The following OASL variants were observed in gnomAD, a reference collection of about 807,000 sequenced individuals.
OASL encodes 2'-5'-oligoadenylate synthase-like protein.
OASL carries 28 observed loss-of-function variants against 35.3 expected under a neutral mutation model. The observed-to-expected ratio is 0.79, with a 90% CI of 0.59 to 1.09. The LOEUF (loss-of-function observed/expected upper bound fraction) is 1.09, where lower values mean the gene tolerates loss of function less well. Among genes scored for constraint, OASL ranks in the 50% least tolerant of loss-of-function variants. The pLI is 0.00. For synonymous variants in OASL, 252 were observed against 254.6 expected (o/e 0.99, Z 0.10); for missense variants, 620 against 635.2 (o/e 0.98, Z 0.26).
At position 121,024,137 on chromosome 12, in the gene OASL, C is replaced by T. The variant is rs776855533; in HGVS notation, c.900G>A (p.Arg300=). The T allele has an allele frequency of 3.9e-5, 63 of 1,613,342 alleles. No individual in the cohort carries two copies. Among genetic ancestry groups the T allele is most frequent in the South Asian group, 1.3e-4 (12 of 91,054 alleles). The change falls in exon 5 of 6, where the codon AGG becomes AGA. Residue 300 remains arginine, a splice_region_variant and synonymous_variant. Coordinates refer to ENST00000257570, the Ensembl canonical transcript of OASL. ...GGTCGGCCGGATCCAGGATGATGGG[C>T]CTGTAACACAGGAAAAGGGTGCCCA...
intron 3 of OASL, among the ~76,000 whole-genome samples, chr12:121,030,747 C>G (rs1869692416): frequency 6.6e-6 from 1 of 152,100 alleles, no homozygotes; most frequent in South Asian, 2.1e-4. Flanking sequence ...TTAAAGAAAT[C>G]CTTCCCCTTG....
exon 3 of OASL, chr12:121,031,516 G>T (rs760219244): frequency 5.0e-6 from 8 of 1,613,948 alleles, no homozygotes; most frequent in East Asian, 4.5e-5. Context: ...AAATTTCTCT[G>T]CAGCTCGCTG....
At chr12:121,024,054 T>C in exon 5 of OASL, 1 of 1,614,162 alleles carries the variant, frequency 6.2e-7, no homozygotes, top group Non-Finnish European at 8.5e-7. Context: ...TTTCAGGCAC[T>C]GGGAGGCCCT....
intron 3 of OASL, among the ~76,000 whole-genome samples, chr12:121,028,632 C>T (rs1045625261): frequency 5.0e-5 from 7 of 140,388 alleles, no homozygotes; most frequent in East Asian, 2.5e-4. Flanking sequence ...CCCCGCCCGC[C>T]CCCCCTACTG....
At chr12:121,027,733 T>G in exon 4 of OASL, 2 of 1,614,158 alleles carry the variant, frequency 1.2e-6, no homozygotes, top group Non-Finnish European at 1.7e-6. Context: ...TCTTCTTCAG[T>G]ACCCATTTCC....
At chr12:121,018,087 T>C (rs1297940045), downstream of OASL, among the ~76,000 whole-genome samples, 1 of 152,194 alleles carries the variant, frequency 6.6e-6, no homozygotes, top group Non-Finnish European at 1.5e-5. Context: ...TTGATACTGA[T>C]AATTTCCAAA....
exon 6 of OASL, chr12:121,020,996 C>G: frequency 6.2e-7 from 1 of 1,613,292 alleles, no homozygotes. Flanking sequence ...CATAAGGGTT[C>G]ACGATGAGGT....
At chr12:121,035,523 T>TAAACAAAACAAAACA (rs59297547) in intron 1 of OASL, among the ~76,000 whole-genome samples, 5 of 127,300 alleles carry the variant, frequency 3.9e-5, no homozygotes, top group Non-Finnish European at 5.2e-5. Flanking sequence ...AGACTCCATC[T>TAAACAAAACAAAACA]AAACAAAACA....
intron 1 of OASL, among the ~76,000 whole-genome samples, chr12:121,035,952 G>A (rs909387178): frequency 3.9e-5 from 6 of 152,248 alleles, no homozygotes; most frequent in African/African-American, 1.4e-4. Flanking sequence ...CGACCTCCTG[G>A]GCTTAAGCAA....
chr12:121,029,436 C>T (rs1229156086), intron 3 of OASL, among the ~76,000 whole-genome samples: 2 of 152,148 alleles, frequency 1.3e-5, no homozygotes, highest in Non-Finnish European at 2.9e-5. Flanking sequence ...CGCCTGTAAT[C>T]CCAGCACTTT....
chr12:121,025,260 G>A (rs1215189282), intron 4 of OASL, among the ~76,000 whole-genome samples: 1 of 152,026 alleles, frequency 6.6e-6, no homozygotes, highest in Non-Finnish European at 1.5e-5. Context: ...ACAGGCATGA[G>A]CCACCGGTGC....
At chr12:121,020,324 G>T in exon 6 of OASL, 1 of 421,766 alleles carries the variant, frequency 2.4e-6, no homozygotes, top group Non-Finnish European at 4.3e-6. Flanking sequence ...TTGTAGAGAC[G>T]GGGTCTCCCT....
At chr12:121,032,793 G>T (rs1179406917) in intron 2 of OASL, among the ~76,000 whole-genome samples, 1 of 152,082 alleles carries the variant, frequency 6.6e-6, no homozygotes, top group African/African-American at 2.4e-5. Flanking sequence ...CCCTCACTGG[G>T]TGTCAGAGCC....
intron 4 of OASL, among the ~76,000 whole-genome samples, chr12:121,024,971 CTTTTTTTTTTTTTT>C (rs751576824): frequency 3.1e-5 from 2 of 63,572 alleles, no homozygotes; most frequent in African/African-American, 1.3e-4. Flanking sequence ...CCCTAAGTTC[CTTTTTTTTTTTTTT>C]TTTTTTTTTT....
chr12:121,031,759 G>T (rs1869744835), intron 2 of OASL, 142 bp from the exon 3 acceptor site: 3 of 651,552 alleles, frequency 4.6e-6, no homozygotes, highest in Admixed American at 2.9e-5. Flanking sequence ...GAAACCAAAG[G>T]TTTGCCTTGT....
chr12:121,020,826 A>G, exon 6 of OASL: 2 of 1,614,186 alleles, frequency 1.2e-6, no homozygotes, highest in Non-Finnish European at 1.7e-6. Flanking sequence ...GATGGTCTCC[A>G]GCAGATAGAT....
At chr12:121,027,879 T>C in intron 3 of OASL, 62 bp from the exon 4 acceptor site, 1 of 1,457,716 alleles carries the variant, frequency 6.9e-7, no homozygotes, top group Non-Finnish European at 9.5e-7. Flanking sequence ...AAGGATGGCG[T>C]TGGACCAGAA....
intron 1 of OASL, among the ~76,000 whole-genome samples, chr12:121,034,232 C>T (rs1171198067): frequency 6.6e-6 from 1 of 150,840 alleles, no homozygotes; most frequent in Non-Finnish European, 1.5e-5. Context: ...ACTCCCGTTG[C>T]CCAGGCTGGG....
chr12:121,021,560 C>T (rs890592622), intron 5 of OASL, among the ~76,000 whole-genome samples: 1 of 152,224 alleles, frequency 6.6e-6, no homozygotes, highest in African/African-American at 2.4e-5. Flanking sequence ...CCTGTATTCC[C>T]AGCACTTTGG....
Sources: gnomAD v4.1 joint callset for allele counts (sites outside exome capture counted in the v4.1 genomes callset) on GRCh38, gnomAD v4.1.1 for gene constraint, MANE v1.5 for transcripts, NCBI Gene and HGNC (gene_info 2026-07-23, HGNC 2026-07-21) for gene names.